ROCK1: variants seen among roughly 807,000 people sequenced by gnomAD.
ROCK1 encodes the protein rho-associated protein kinase 1.
ROCK1 carries 36 observed loss-of-function variants against 196.8 expected under a neutral mutation model. That is an observed-to-expected ratio of 0.18 (90% CI 0.14 to 0.24). The LOEUF is 0.24. Ranked by LOEUF, ROCK1 falls within the 10% of genes least tolerant of loss-of-function variation. The pLI, the probability that ROCK1 is intolerant of heterozygous loss-of-function variation, is 1.00. For missense variants in ROCK1, 920 were observed against 1,562.0 expected (o/e 0.59, Z 6.93); for synonymous variants, 443 against 515.9 (o/e 0.86, Z 1.91).
At chr18:21,090,922 A>G (rs1432512956) in intron 1 of ROCK1, among the ~76,000 whole-genome samples, 3 of 152,202 alleles carry the variant, frequency 2.0e-5, no homozygotes, top group South Asian at 2.1e-4. Context: ...CCATTTAGGG[A>G]AAAAAAATTA....
At chr18:20,983,711 G>A (rs1026097388) in intron 20 of ROCK1, among the ~76,000 whole-genome samples, 1 of 152,054 alleles carries the variant, frequency 6.6e-6, no homozygotes, top group African/African-American at 2.4e-5. Flanking sequence ...GGCCCTAAAA[G>A]AGGAAAAGAA....
chr18:21,085,208 C>T (rs1399872605), intron 1 of ROCK1, among the ~76,000 whole-genome samples: 2 of 151,876 alleles, frequency 1.3e-5, no homozygotes, highest in African/African-American at 4.8e-5. Flanking sequence ...TTTAACACCA[C>T]CAAATTGTAC....
chr18:20,975,422 T>C (rs1165545565), intron 22 of ROCK1, among the ~76,000 whole-genome samples: 5 of 152,174 alleles, frequency 3.3e-5, no homozygotes, highest in Non-Finnish European at 7.4e-5. Flanking sequence ...GGCTGTTAGA[T>C]ATACTCTGTC....
chr18:21,023,537 A>G, intron 11 of ROCK1, 83 bp downstream of exon 11: 3 of 694,354 alleles, frequency 4.3e-6, no homozygotes, highest in South Asian at 5.0e-5. Flanking sequence ...CAAACAATAT[A>G]TAAATTTACT....
intron 2 of ROCK1, among the ~76,000 whole-genome samples, chr18:21,053,931 G>A (rs1381867152): frequency 6.6e-6 from 1 of 152,162 alleles, no homozygotes; most frequent in Non-Finnish European, 1.5e-5. Context: ...GTTGTGATAT[G>A]GTGATACATA....
intron 1 of ROCK1, among the ~76,000 whole-genome samples, chr18:21,081,012 A>T (rs1467739699): frequency 3.9e-5 from 6 of 152,166 alleles, no homozygotes; most frequent in Admixed American, 3.9e-4. Flanking sequence ...AACCAACTGG[A>T]CCTAACAGAT....
chr18:20,989,935 G>T (rs1385684497), intron 18 of ROCK1, among the ~76,000 whole-genome samples: 2 of 151,982 alleles, frequency 1.3e-5, no homozygotes, highest in Non-Finnish European at 2.9e-5. Flanking sequence ...AGAAACTTAT[G>T]ACCGATATGT....
chr18:21,059,174 A>T (rs1166302332), intron 2 of ROCK1, among the ~76,000 whole-genome samples: 1 of 152,158 alleles, frequency 6.6e-6, no homozygotes, highest in Non-Finnish European at 1.5e-5. Context: ...ATGCCTAGTT[A>T]TTTGCAATTA....
intron 8 of ROCK1, among the ~76,000 whole-genome samples, chr18:21,040,598 A>G (rs2143501396): frequency 6.6e-6 from 1 of 152,284 alleles, no homozygotes; most frequent in South Asian, 2.1e-4. Flanking sequence ...ACATGTGACA[A>G]TTTTTCCAAG....
chr18:21,101,259 C>A (rs138906110), intron 1 of ROCK1, among the ~76,000 whole-genome samples: 2 of 152,132 alleles, frequency 1.3e-5, no homozygotes, highest in East Asian at 3.9e-4. Context: ...AATGAAATAA[C>A]AGGGATTCAG....
At position 20,951,383 on chromosome 18, in the gene ROCK1, G is replaced by GTTA. The variant is rs763503847; in HGVS notation, c.4063_4065dup. ...ATTCCACAGGGCACTCAGTCACATG[G>GTTA]TTAACTGTTGAGGGAGGGGGAAAAA... On this transcript the variant is annotated 3_prime_UTR_variant, in exon 33 of 33. Coordinates refer to ENST00000399799, the MANE Select transcript of ROCK1 (RefSeq NM_005406.3). 3.1e-6 allele frequency: 5 copies of GTTA among 1,597,410 alleles called. No homozygotes were observed. In the East Asian group the frequency reaches 1.1e-4, roughly 36 times the overall value.
chr18:21,057,794 C>G (rs2036256285), intron 2 of ROCK1, among the ~76,000 whole-genome samples: 1 of 151,926 alleles, frequency 6.6e-6, no homozygotes. Flanking sequence ...GCACTCCAGC[C>G]TGGGTGACTG....
intron 1 of ROCK1, among the ~76,000 whole-genome samples, chr18:21,082,483 A>G (rs901582597): frequency 6.6e-6 from 1 of 152,230 alleles, no homozygotes; most frequent in Non-Finnish European, 1.5e-5. Flanking sequence ...AGTACACACC[A>G]GGATCAAGTG....
chr18:20,966,829 G>T, intron 27 of ROCK1, 88 bp downstream of exon 27: 1 of 1,030,046 alleles, frequency 9.7e-7, no homozygotes, highest in Non-Finnish European at 1.4e-6. Context: ...TGGACAAAAT[G>T]ACAAGGAGGT....
At chr18:21,057,651 G>A (rs1212844982) in intron 2 of ROCK1, among the ~76,000 whole-genome samples, 12 of 149,964 alleles carry the variant, frequency 8.0e-5, no homozygotes, top group African/African-American at 2.7e-4. Context: ...GCAAAACCCC[G>A]TCTCTACTAA....
chr18:21,110,480 C>T (rs1172273119), intron 1 of ROCK1, among the ~76,000 whole-genome samples: 1 of 152,186 alleles, frequency 6.6e-6, no homozygotes, highest in Non-Finnish European at 1.5e-5. Context: ...ACATTAATTA[C>T]TACGATCGCC....
intron 22 of ROCK1, among the ~76,000 whole-genome samples, chr18:20,976,305 TA>T (rs1174263509): frequency 3.3e-5 from 5 of 152,234 alleles, no homozygotes; most frequent in Admixed American, 6.5e-5. Flanking sequence ...TATAAGATTA[TA>T]AAGAGTGGCT....
intron 1 of ROCK1, among the ~76,000 whole-genome samples, chr18:21,099,846 G>A (rs1293283927): frequency 6.6e-6 from 1 of 152,072 alleles, no homozygotes; most frequent in Non-Finnish European, 1.5e-5. Flanking sequence ...GACCAGCCTG[G>A]CCAACATGGC....
chr18:21,076,827 T>C (rs912921726), intron 1 of ROCK1, among the ~76,000 whole-genome samples: 2 of 152,144 alleles, frequency 1.3e-5, no homozygotes, highest in Non-Finnish European at 2.9e-5. Flanking sequence ...AGGTCTGCAA[T>C]AGTTCTGGAA....
Sources: allele counts gnomAD v4.1 joint callset (sites outside exome capture counted in the v4.1 genomes callset), GRCh38; gene constraint gnomAD v4.1.1; transcripts MANE v1.5; gene names NCBI Gene and HGNC (gene_info 2026-07-23, HGNC 2026-07-21).